PARD3: variants seen among roughly 807,000 people sequenced by gnomAD.
The protein encoded by PARD3 is par-3 family cell polarity regulator, also known as partitioning defective 3 homolog.
A neutral mutation model predicts 155.4 loss-of-function variants in PARD3; 75 were observed. That is an observed-to-expected ratio of 0.48 (90% CI 0.40 to 0.58). The LOEUF (loss-of-function observed/expected upper bound fraction) is 0.58, where lower values mean the gene tolerates loss of function less well. Ranked by LOEUF, PARD3 falls within the 20% of genes least tolerant of loss-of-function variation. The pLI is 0.00. For missense variants in PARD3, 1,642 were observed against 1,721.7 expected (o/e 0.95, Z 0.82); for synonymous variants, 576 against 610.5 (o/e 0.94, Z 0.83).
chr10:34,808,783 A>C (rs1843715406), intron 1 of PARD3, among the ~76,000 whole-genome samples: 1 of 151,902 alleles, frequency 6.6e-6, no homozygotes, highest in Non-Finnish European at 1.5e-5. Flanking sequence ...GACTTTAAAT[A>C]TTCCCTCCAC....
chr10:34,738,385 C>CA (rs1400597209), intron 1 of PARD3, among the ~76,000 whole-genome samples: 1 of 152,216 alleles, frequency 6.6e-6, no homozygotes, highest in African/African-American at 2.4e-5. Flanking sequence ...CTATATTGCC[C>CA]AGGCTGGTCT....
chr10:34,807,861 G>T (rs1180577720), intron 1 of PARD3, among the ~76,000 whole-genome samples: 1 of 152,102 alleles, frequency 6.6e-6, no homozygotes, highest in Non-Finnish European at 1.5e-5. Flanking sequence ...GAGAAAAAAG[G>T]AATACACAAA....
rs2092848747 is a variant in PARD3, at chr10:34,646,720, C to T, written c.222+49598G>A. On this transcript the variant is annotated intron_variant, in intron 2 of 24. Transcript: ENST00000374788. ...TCGTTCTGTCGCCCAGGCTGGAGTG[C>T]AATAGCACAATCATAGCTCACTGCA... Among the ~76,000 whole-genome samples, 6 of 152,308 alleles carry T rather than the reference C, an allele frequency of 3.9e-5. No individual in the cohort carries two copies. In the South Asian group the frequency reaches 1.2e-3, roughly 32 times the overall value.
chr10:34,454,594 A>T (rs542280665), intron 4 of PARD3, among the ~76,000 whole-genome samples: 1 of 151,362 alleles, frequency 6.6e-6, no homozygotes, highest in Non-Finnish European at 1.5e-5. Flanking sequence ...TGTTAGAGTT[A>T]TGACTTTATT....
chr10:34,395,501 T>A (rs1843231413), intron 7 of PARD3, among the ~76,000 whole-genome samples: 1 of 152,098 alleles, frequency 6.6e-6, no homozygotes, highest in Non-Finnish European at 1.5e-5. Flanking sequence ...TGAGGATCAG[T>A]TAACTTTATT....
chr10:34,156,723 G>A (rs1302696534), intron 22 of PARD3, among the ~76,000 whole-genome samples: 1 of 152,174 alleles, frequency 6.6e-6, no homozygotes, highest in African/African-American at 2.4e-5. Flanking sequence ...TTGAGGAGCA[G>A]CCTCCCAGAG....
intron 20 of PARD3, among the ~76,000 whole-genome samples, chr10:34,309,197 C>A (rs576613629): frequency 2.7e-4 from 41 of 152,170 alleles, no homozygotes; most frequent in African/African-American, 8.7e-4. Context: ...GTAAGTAGGG[C>A]TAAGAGAGAA....
At chr10:34,539,833 A>AG (rs923932723) in intron 2 of PARD3, among the ~76,000 whole-genome samples, 1 of 152,222 alleles carries the variant, frequency 6.6e-6, no homozygotes, top group Non-Finnish European at 1.5e-5. Flanking sequence ...GAAATAGGCC[A>AG]GGGCGGGAGT....
intron 7 of PARD3, among the ~76,000 whole-genome samples, chr10:34,389,795 T>G (rs1159883050): frequency 6.6e-6 from 1 of 152,172 alleles, no homozygotes; most frequent in African/African-American, 2.4e-5. Context: ...AAGGAGAAAG[T>G]TTAAAGGAAT....
At chr10:34,619,345 C>T (rs1286201519) in intron 2 of PARD3, among the ~76,000 whole-genome samples, 2 of 152,044 alleles carry the variant, frequency 1.3e-5, no homozygotes, top group African/African-American at 2.4e-5. Flanking sequence ...CCATCATGCC[C>T]GGCCCACAGT....
Position 34,111,286 on chromosome 10 carries a change from G to C in PARD3, c.3945C>G (p.Asp1315Glu), listed in dbSNP as rs746767182. 1.9e-6 allele frequency: 3 copies of C among 1,614,068 alleles called. No individual in the cohort carries two copies. The highest frequency in any genetic ancestry group is 1.1e-5 in the South Asian group (1 of 91,080). The part of the protein sequence containing the change: ...SNYDSYKKVQ[D>E]PSYAPPKGPF... Reference sequence around the variant, plus strand: ...GCCCCTTGGGAGGGGCGTAACTGGGGTCCTGGACTTTCTTATACGAGTCAT... The same window carrying C: ...GCCCCTTGGGAGGGGCGTAACTGGGCTCCTGGACTTTCTTATACGAGTCAT... The change falls in exon 25 of 25, where the codon GAC becomes GAG. Residue 1315 changes from aspartate (D) to glutamate (E), a missense_variant. Asp to Glu is a conservative substitution (Grantham distance 45). Around this residue, in one of 3 missense-constraint regions of PARD3, gnomAD observed 1,529 missense variants for 1,587.3 expected, o/e 0.96. Transcript: ENST00000374788.
At chr10:34,485,524 T>C (rs761311217) in intron 3 of PARD3, among the ~76,000 whole-genome samples, 2 of 152,028 alleles carry the variant, frequency 1.3e-5, no homozygotes, top group Non-Finnish European at 2.9e-5. Context: ...TTTGGAAAGG[T>C]AGGACAATGA....
At chr10:34,414,773 T>C (rs1279879401) in intron 5 of PARD3, among the ~76,000 whole-genome samples, 1 of 152,146 alleles carries the variant, frequency 6.6e-6, no homozygotes, top group Non-Finnish European at 1.5e-5. Context: ...CATTATATGT[T>C]CTATGGATAT....
At chr10:34,770,699 T>TA (rs1473207235) in intron 1 of PARD3, among the ~76,000 whole-genome samples, 1 of 152,234 alleles carries the variant, frequency 6.6e-6, no homozygotes, top group African/African-American at 2.4e-5. Flanking sequence ...CACAGGAATC[T>TA]AATCTAGAAC....
chr10:34,486,301 C>T (rs1291422518), intron 3 of PARD3, among the ~76,000 whole-genome samples: 5 of 152,046 alleles, frequency 3.3e-5, no homozygotes, highest in African/African-American at 9.7e-5. Flanking sequence ...CATCATGGCC[C>T]GAACTAGTTT....
At chr10:34,330,723 A>G (rs1835527163) in intron 19 of PARD3, among the ~76,000 whole-genome samples, 1 of 152,212 alleles carries the variant, frequency 6.6e-6, no homozygotes, top group Non-Finnish European at 1.5e-5. Context: ...ATTACTTTTT[A>G]AAAACAAGCA....
chr10:34,813,870 A>G (rs577158743), intron 1 of PARD3, among the ~76,000 whole-genome samples: 3 of 152,210 alleles, frequency 2.0e-5, no homozygotes, highest in Admixed American at 6.5e-5. Flanking sequence ...ACTACAAAGG[A>G]AATATATCCC....
At chr10:34,214,671 A>C (rs1359510077) in intron 22 of PARD3, among the ~76,000 whole-genome samples, 1 of 152,006 alleles carries the variant, frequency 6.6e-6, no homozygotes, top group Non-Finnish European at 1.5e-5. Context: ...AAAAAAAAAT[A>C]TATTATTTTA....
chr10:34,784,962 C>G (rs1840759390), intron 1 of PARD3, among the ~76,000 whole-genome samples: 1 of 152,184 alleles, frequency 6.6e-6, no homozygotes, highest in South Asian at 2.1e-4. Context: ...TGCCAGAAAT[C>G]TCATCACTAA....
Sources: allele counts gnomAD v4.1 joint callset (sites outside exome capture counted in the v4.1 genomes callset), GRCh38; gene constraint gnomAD v4.1.1; regional missense constraint gnomAD v4.1.1; transcripts MANE v1.5; gene names NCBI Gene and HGNC (gene_info 2026-07-23, HGNC 2026-07-21).